The following TLN2 variants were observed in gnomAD, a reference collection of about 807,000 sequenced individuals.
TLN2 encodes the protein talin-2.
TLN2 carries 118 observed loss-of-function variants against 294.7 expected under a neutral mutation model. The ratio of observed to expected loss-of-function variants is 0.40; its 90% CI spans 0.34 to 0.47. The LOEUF (loss-of-function observed/expected upper bound fraction) is 0.47, where lower values mean the gene tolerates loss of function less well. Ranked by LOEUF, TLN2 falls within the 20% of genes least tolerant of loss-of-function variation. TLN2 has a pLI of 0.84. For synonymous variants in TLN2, 1,431 were observed against 1,304.5 expected, an observed-to-expected ratio of 1.10 and a Z score of -2.09; for missense variants, 3,083 against 3,282.2, an observed-to-expected ratio of 0.94 and a Z score of 1.48.
intron 51 of TLN2, 78 bp from the exon 52 acceptor site, chr15:62,809,847 T>A: frequency 1.5e-6 from 2 of 1,376,314 alleles, no homozygotes; most frequent in Non-Finnish European, 1.0e-6. Context: ...AGGGTTAAGG[T>A]CTCTTGCCTC....
intron 1 of TLN2, among the ~76,000 whole-genome samples, chr15:62,554,842 T>G (rs1035208658): frequency 1.3e-5 from 2 of 152,118 alleles, no homozygotes. Context: ...TGTCCCAAAT[T>G]CAGCACTCTA....
chr15:62,843,179 GGT>G lies in TLN2; in HGVS notation c.*2574_*2575del, dbSNP rs1697977462. The G allele has an allele frequency of 6.6e-6, 1 of 152,120 alleles. No individual in the cohort carries two copies. 9.4% of individuals were successfully genotyped at this position (152,120 alleles called of 1,614,324 possible). ...AGTGTATCTCTGTGAAGAGAGAGCCGGTGTGTTGACATGTGGTTCTTCTCACA... is the reference window on the plus strand; with the variant it reads ...AGTGTATCTCTGTGAAGAGAGAGCCGGTGTTGACATGTGGTTCTTCTCACA... On this transcript the variant is annotated 3_prime_UTR_variant, in exon 59 of 59. Coordinates refer to ENST00000636159, the MANE Select transcript of TLN2 (RefSeq NM_015059.3).
At chr15:62,590,550 C>A (rs960995693) in intron 2 of TLN2, among the ~76,000 whole-genome samples, 2 of 152,132 alleles carry the variant, frequency 1.3e-5, no homozygotes, top group Admixed American at 1.3e-4. Flanking sequence ...ACCACATTTT[C>A]TTTATCTAGT....
chr15:62,416,575 A>G (rs2034097435), intron 1 of TLN2, among the ~76,000 whole-genome samples: 1 of 152,168 alleles, frequency 6.6e-6, no homozygotes, highest in African/African-American at 2.4e-5. Flanking sequence ...TAGGGTTTGC[A>G]ATTTGGAGTC....
chr15:62,573,193 C>T (rs2044055435), intron 1 of TLN2, among the ~76,000 whole-genome samples: 1 of 152,192 alleles, frequency 6.6e-6, no homozygotes, highest in African/African-American at 2.4e-5. Flanking sequence ...CTTGATCACA[C>T]CCCTCACCGG....
At chr15:62,534,740 A>G (rs1164598805) in intron 1 of TLN2, among the ~76,000 whole-genome samples, 1 of 150,980 alleles carries the variant, frequency 6.6e-6, no homozygotes, top group Non-Finnish European at 1.5e-5. Context: ...GAAGCTGGCT[A>G]GGGGCCCCTA....
intron 16 of TLN2, 40 bp downstream of exon 16, chr15:62,698,907 C>G (rs1166516436): frequency 5.8e-6 from 9 of 1,562,438 alleles, no homozygotes; most frequent in Non-Finnish European, 7.9e-6. Flanking sequence ...AGTCTCTGCC[C>G]TGGCAGAAAG....
chr15:62,532,077 A>T (rs2041074237), intron 1 of TLN2, among the ~76,000 whole-genome samples: 2 of 143,510 alleles, frequency 1.4e-5, no homozygotes, highest in Non-Finnish European at 1.5e-5. Flanking sequence ...TGAGACAGGT[A>T]CTCACTTTGT....
At chr15:62,686,490 T>C (rs1019316677) in intron 11 of TLN2, 151 bp from the exon 12 acceptor site, 3 of 853,950 alleles carry the variant, frequency 3.5e-6, no homozygotes, top group East Asian at 2.7e-5. Context: ...TAATGAGTTA[T>C]TCACCTAGCC....
chr15:62,766,565 T>C (rs1449888075), intron 41 of TLN2, 143 bp downstream of exon 41: 1 of 689,792 alleles, frequency 1.4e-6, no homozygotes, highest in Admixed American at 2.6e-5. Context: ...CTGCAGAAAA[T>C]AACACTGAAC....
intron 2 of TLN2, among the ~76,000 whole-genome samples, chr15:62,617,962 CTTTT>C (rs768055599): frequency 7.3e-6 from 1 of 136,118 alleles, no homozygotes. Context: ...TCAGGCAATT[CTTTT>C]TTTTTTTTTT....
intron 1 of TLN2, among the ~76,000 whole-genome samples, chr15:62,584,170 G>T (rs1347210502): frequency 1.3e-5 from 2 of 152,146 alleles, no homozygotes; most frequent in African/African-American, 4.8e-5. Context: ...CCAAGACATA[G>T]ACCACAAAAA....
chr15:62,751,408 C>CT (rs1171241756), intron 34 of TLN2, among the ~76,000 whole-genome samples: 2 of 152,194 alleles, frequency 1.3e-5, no homozygotes, highest in African/African-American at 4.8e-5. Context: ...TATGGATTGT[C>CT]TAAGGGAAAG....
intron 15 of TLN2, 58 bp from the exon 16 acceptor site, chr15:62,698,696 A>G (rs975075607): frequency 2.0e-5 from 28 of 1,428,444 alleles, no homozygotes; most frequent in Non-Finnish European, 2.4e-5. Context: ...TTTTGCATAA[A>G]GGGCCATGTC....
intron 12 of TLN2, among the ~76,000 whole-genome samples, chr15:62,689,293 C>A (rs1294128052): frequency 6.6e-6 from 1 of 152,060 alleles, no homozygotes; most frequent in Non-Finnish European, 1.5e-5. Flanking sequence ...CCTACCCACT[C>A]CCCACACTTT....
chr15:62,739,658 C>T lies in TLN2; in HGVS notation c.3885+113C>T, dbSNP rs552936309. 4.7e-6 allele frequency: 6 copies of T among 1,286,612 alleles called. No individual in the cohort carries two copies. The African/African-American group carries it at 7.4e-5, about 16-fold the overall frequency. 79.7% of individuals were successfully genotyped at this position (1,286,612 alleles called of 1,614,324 possible). A position where few individuals can be genotyped will look rare whatever the true frequency, so the allele number is the denominator to read the frequency against. The stretch of plus-strand genomic sequence containing the variant: ...AAAAGGAACCTGGAAACAGGCAGGC[C>T]ATGGTTGCATTCTTTTTGCTGCTTA... On this transcript the variant is annotated intron_variant, in intron 31 of 58. Transcript: ENST00000636159.
intron 52 of TLN2, among the ~76,000 whole-genome samples, chr15:62,817,136 T>A (rs147371109): frequency 1.3e-5 from 2 of 152,320 alleles, no homozygotes; most frequent in East Asian, 3.9e-4. Flanking sequence ...TACATTGATA[T>A]TGACTGCTGA....
At position 62,802,437 on chromosome 15, in the gene TLN2, CAT is replaced by C. The variant is rs59200582; in HGVS notation, c.6477+1676_6477+1677del. Among the ~76,000 whole-genome samples, 1,214 of 141,328 alleles carry C rather than the reference CAT, an allele frequency of 8.6e-3. 29 individuals are homozygous for C. The highest frequency in any genetic ancestry group is 0.028 in the African/African-American group (1,087 of 38,236). 92.7% of individuals were successfully genotyped at this position (141,328 alleles called of 152,430 possible). ...ACACACACACACACACACACACACA[CAT>C]ATATATAATATTGAAGAGATATCTG... On this transcript the variant is annotated intron_variant, in intron 50 of 58. Transcript: ENST00000636159.
chr15:62,417,903 G>A (rs780331100), intron 1 of TLN2, among the ~76,000 whole-genome samples: 1 of 152,232 alleles, frequency 6.6e-6, no homozygotes, highest in Non-Finnish European at 1.5e-5. Flanking sequence ...AGCAGGGTGT[G>A]GTTGTCCGAA....
Sources: gnomAD v4.1 joint callset for allele counts (sites outside exome capture counted in the v4.1 genomes callset) on GRCh38, gnomAD v4.1.1 for gene constraint, MANE v1.5 for transcripts, NCBI Gene and HGNC (gene_info 2026-07-23, HGNC 2026-07-21) for gene names.